PXK: variants seen among roughly 807,000 people sequenced by gnomAD.
PXK encodes PX domain-containing protein kinase-like protein.
In PXK, 35 loss-of-function variants were observed where a neutral mutation model predicts 84.7. That is an observed-to-expected ratio of 0.41 (90% CI 0.32 to 0.55). The LOEUF (loss-of-function observed/expected upper bound fraction) is 0.55, where lower values mean the gene tolerates loss of function less well. PXK is among the 20% of genes least tolerant of loss of function. PXK has a pLI of 0.21. For synonymous variants in PXK, 253 were observed against 260.8 expected, an observed-to-expected ratio of 0.97 and a Z score of 0.29; for missense variants, 634 against 699.7, an observed-to-expected ratio of 0.91 and a Z score of 1.06.
At chr3:58,404,007 A>T in intron 13 of PXK, 97 bp downstream of exon 13, 3 of 793,258 alleles carry the variant, frequency 3.8e-6, no homozygotes, top group Non-Finnish European at 5.5e-6. Context: ...GATATATAAT[A>T]GGGAAAATTG....
chr3:58,413,131 G>T, intron 17 of PXK, 168 bp downstream of exon 17: 1 of 718,860 alleles, frequency 1.4e-6, no homozygotes. Context: ...GAGAGCTGAG[G>T]GGCTAGATTT....
At chr3:58,378,936 T>C (rs188864642) in intron 3 of PXK, among the ~76,000 whole-genome samples, 1 of 151,600 alleles carries the variant, frequency 6.6e-6, no homozygotes, top group Non-Finnish European at 1.5e-5. Flanking sequence ...GTAGTAGTAG[T>C]ATTTGAGACA....
chr3:58,336,063 ATATATATATTTT>A (rs1452102397), intron 1 of PXK, among the ~76,000 whole-genome samples: 39 of 58,102 alleles, frequency 6.7e-4, no homozygotes, highest in South Asian at 5.6e-3. Context: ...ATATATATAT[ATATATATATTTT>A]TTTTTTTTTT....
At chr3:58,420,581 A>T in intron 17 of PXK, 1 of 1,536,040 alleles carries the variant, frequency 6.5e-7, no homozygotes, top group Non-Finnish European at 8.7e-7. Context: ...AAAGTAAACT[A>T]TGCTGATTTC....
rs71091369 is a variant in PXK at position 58,342,634 on chromosome 3, C to CAAA, written c.102+9559_102+9561dup. 4.6e-4 allele frequency among the ~76,000 whole-genome samples: 52 copies of CAAA among 113,440 alleles called. 2 individuals carry two copies. The highest frequency in any genetic ancestry group is 3.6e-3 in the South Asian group (12 of 3,374). 74.4% of individuals were successfully genotyped at this position (113,440 alleles called of 152,430 possible). A position where few individuals can be genotyped will look rare whatever the true frequency, so the allele number is the denominator to read the frequency against. On this transcript the variant is annotated intron_variant, in intron 1 of 17. Transcript: ENST00000356151. ...TGGGCCACAGAGTGAGACTCTGTCTCAAAAAAAAAAAAAAAAAGAAAAGAA... is the reference window on the plus strand; with the variant it reads ...TGGGCCACAGAGTGAGACTCTGTCTCAAAAAAAAAAAAAAAAAAAAGAAAAGAA...
At chr3:58,388,132 C>A (rs926556435) in intron 4 of PXK, among the ~76,000 whole-genome samples, 3 of 152,206 alleles carry the variant, frequency 2.0e-5, no homozygotes, top group Non-Finnish European at 4.4e-5. Flanking sequence ...TTATTTGGCA[C>A]ATGATAGTCA....
intron 1 of PXK, among the ~76,000 whole-genome samples, chr3:58,345,614 T>C (rs1029716104): frequency 6.6e-6 from 1 of 152,170 alleles, no homozygotes; most frequent in African/African-American, 2.4e-5. Context: ...TGAAATCATA[T>C]ATGACTAAGA....
At chr3:58,372,227 GTTTC>G (rs1355230838) in intron 3 of PXK, among the ~76,000 whole-genome samples, 1 of 152,138 alleles carries the variant, frequency 6.6e-6, no homozygotes, top group African/African-American at 2.4e-5. Flanking sequence ...GTCTTTTTCT[GTTTC>G]TTTGTTTTGT....
At position 58,333,683 on chromosome 3, in the gene PXK, A is replaced by C; in HGVS notation, c.102+593A>C. ...GGGGGCGGCAGTCGGGGCGCTGTTA[A>C]GCAGGTGTATGAATGTGCTTCTCTA... On this transcript the variant is annotated intron_variant, in intron 1 of 17. Coordinates refer to ENST00000356151, the MANE Select transcript of PXK (RefSeq NM_017771.5). This position sits in a 1 kb window ranked among gnomAD's most constrained non-coding sequence, Gnocchi z 5.4. The C allele has an allele frequency of 2.2e-6, 1 of 456,266 alleles. No homozygotes were observed. The highest frequency in any genetic ancestry group is 1.6e-5 in the South Asian group (1 of 64,506). The allele number at this position is 456,266 out of a possible 1,614,324, so 28.3% of individuals were successfully genotyped here. A position where few individuals can be genotyped will look rare whatever the true frequency, so the allele number is the denominator to read the frequency against.
At chr3:58,349,178 G>A (rs1272546855) in intron 1 of PXK, among the ~76,000 whole-genome samples, 7 of 151,960 alleles carry the variant, frequency 4.6e-5, no homozygotes, top group Non-Finnish European at 1.0e-4. Flanking sequence ...AGGCTGCAGT[G>A]AGCTATGGTT....
rs938607778 is a variant in PXK at position 58,400,075 on chromosome 3, A to C, written c.1181+698A>C. Among the ~76,000 whole-genome samples the C allele has an allele frequency of 2.0e-5, 3 of 151,996 alleles. No homozygotes were observed. The highest frequency in any genetic ancestry group is 7.2e-5 in the African/African-American group (3 of 41,388). ...TGGGGTGGGACAGACCTGGAGGTGG[A>C]TTCCAGCTTCACCACTTCTACCTGG... On this transcript the variant is annotated intron_variant, in intron 12 of 17. Coordinates refer to ENST00000356151, the MANE Select transcript of PXK (RefSeq NM_017771.5). The surrounding 1 kb of genome is among the most constrained non-coding windows in gnomAD (Gnocchi z 4.0).
At chr3:58,422,850 C>G in intron 17 of PXK, 1 of 985,442 alleles carries the variant, frequency 1.0e-6, no homozygotes, top group Non-Finnish European at 1.2e-6. Flanking sequence ...CAAGTACCGC[C>G]GCAGCCGAGA....
chr3:58,338,426 C>G (rs1349223845), intron 1 of PXK, among the ~76,000 whole-genome samples: 4 of 151,552 alleles, frequency 2.6e-5, no homozygotes, highest in African/African-American at 9.7e-5. Context: ...AGTTCGAGAA[C>G]AGCCTGGCCA....
chr3:58,347,795 C>A (rs2097849741), intron 1 of PXK, among the ~76,000 whole-genome samples: 1 of 152,158 alleles, frequency 6.6e-6, no homozygotes, highest in Non-Finnish European at 1.5e-5. Flanking sequence ...CCAAACTTTT[C>A]TAGATTTTTG....
At position 58,408,999 on chromosome 3, in the gene PXK, C is replaced by CAATTG; in HGVS notation, c.1307_1308insATTGA (p.Ile437LeufsTer9). 6.4e-7 allele frequency: 1 copy of CAATTG among 1,574,116 alleles called. No homozygotes were observed. The highest frequency in any genetic ancestry group is 8.7e-7 in the Non-Finnish European group (1 of 1,144,594). ...GAAGAGACTAATTGAGGAACAGAAA[C>CAATTG]AGGTAAATTGATAACGGTTCCTCTT... is the stretch of plus-strand genomic sequence containing the variant. On this transcript the variant is annotated frameshift_variant and splice_region_variant, in exon 14 of 18. Transcript: ENST00000356151. LOFTEE classifies it high-confidence loss of function.
intron 1 of PXK, among the ~76,000 whole-genome samples, chr3:58,337,771 C>T (rs1575624650): frequency 6.6e-6 from 1 of 152,076 alleles, no homozygotes; most frequent in East Asian, 1.9e-4. Flanking sequence ...TACCTGGCCT[C>T]AACTAGGATC....
At chr3:58,340,118 G>GC (rs2097703822) in intron 1 of PXK, among the ~76,000 whole-genome samples, 1 of 131,216 alleles carries the variant, frequency 7.6e-6, no homozygotes. Flanking sequence ...GCGCCTGGCC[G>GC]ATTTTTTTTT....
intron 13 of PXK, among the ~76,000 whole-genome samples, chr3:58,404,937 C>A (rs940315038): frequency 4.0e-5 from 6 of 149,930 alleles, no homozygotes; most frequent in Non-Finnish European, 7.4e-5. Flanking sequence ...GAGAAAAAAA[C>A]ATTTAAATTT....
chr3:58,402,439 T>TC (rs1446234862), intron 12 of PXK, among the ~76,000 whole-genome samples: 2 of 151,462 alleles, frequency 1.3e-5, no homozygotes, highest in Admixed American at 6.6e-5. Context: ...TCTTTTCTTT[T>TC]TTTTTTTTTA....
Sources: allele counts gnomAD v4.1 joint callset (sites outside exome capture counted in the v4.1 genomes callset), GRCh38; gene constraint gnomAD v4.1.1; non-coding constraint Gnocchi (gnomAD v3.1); transcripts MANE v1.5; gene names NCBI Gene and HGNC (gene_info 2026-07-23, HGNC 2026-07-21).